NUMB: variants seen among roughly 807,000 people sequenced by gnomAD.
NUMB encodes NUMB endocytic adaptor protein.
In NUMB, 29 loss-of-function variants were observed where a neutral mutation model predicts 59.7. The observed-to-expected ratio is 0.49, with a 90% CI of 0.36 to 0.66. The LOEUF (loss-of-function observed/expected upper bound fraction) is 0.66. NUMB is among the 30% of genes least tolerant of loss of function. The pLI, the probability that NUMB is intolerant of heterozygous loss-of-function variation, is 0.00. For missense variants in NUMB, 723 were observed against 822.0 expected, an observed-to-expected ratio of 0.88 and a Z score of 1.47; for synonymous variants, 288 against 288.2, an observed-to-expected ratio of 1.00 and a Z score of 0.01.
chr14:73,443,842 A>AG (rs1883269148), intron 1 of NUMB, among the ~76,000 whole-genome samples: 1 of 151,626 alleles, frequency 6.6e-6, no homozygotes, highest in Non-Finnish European at 1.5e-5. Flanking sequence ...TAGTAGAGAC[A>AG]GGGTTTCACT....
intron 4 of NUMB, among the ~76,000 whole-genome samples, chr14:73,355,311 G>A (rs1417514717): frequency 6.6e-6 from 1 of 152,162 alleles, no homozygotes; most frequent in African/African-American, 2.4e-5. Context: ...ATATTCCACT[G>A]AAAATTTGAG....
chr14:73,340,547 T>C (rs1237739328), intron 4 of NUMB, among the ~76,000 whole-genome samples: 1 of 152,220 alleles, frequency 6.6e-6, no homozygotes, highest in Non-Finnish European at 1.5e-5. Context: ...TGCAAGGATT[T>C]TGTCTGTTCT....
chr14:73,293,025 T>C (rs1198154904), intron 7 of NUMB, 151 bp from the exon 8 acceptor site: 6 of 786,484 alleles, frequency 7.6e-6, no homozygotes, highest in African/African-American at 3.5e-5. Flanking sequence ...GTTTAAATAC[T>C]GAGAATTGGA....
chr14:73,395,607 C>T (rs11849375), intron 2 of NUMB, among the ~76,000 whole-genome samples: 7,820 of 151,758 alleles, frequency 0.052, 653 homozygotes, highest in African/African-American at 0.18. Flanking sequence ...GGTGGCAGAG[C>T]GAGACTCTGT....
At position 73,389,117 on chromosome 14, in the gene NUMB, A is replaced by C. The variant is rs1160773946; in HGVS notation, c.-101+20820T>G. Among the ~76,000 whole-genome samples, 16 of 149,210 alleles carry C rather than the reference A, an allele frequency of 1.1e-4. No individual in the cohort carries two copies. The East Asian group carries it at 3.0e-3, about 28-fold the overall frequency. On this transcript the variant is annotated intron_variant, in intron 2 of 12. Transcript: ENST00000555238. ...CTGCCTTAAAAAAAAAAAAAAAAAA[A>C]AAAATTAGCTGGATGTGGTGGTGCG...
chr14:73,425,315 A>T (rs999090479), intron 1 of NUMB, among the ~76,000 whole-genome samples: 2 of 152,108 alleles, frequency 1.3e-5, no homozygotes, highest in South Asian at 2.1e-4. Flanking sequence ...ATCATGAAAA[A>T]CCTTCAGTTC....
intron 5 of NUMB, among the ~76,000 whole-genome samples, 164 bp from the exon 6 acceptor site, chr14:73,316,586 G>T (rs1158608626): frequency 1.3e-5 from 2 of 152,180 alleles, no homozygotes; most frequent in Admixed American, 6.5e-5. Context: ...CAGGGAAAAA[G>T]GAAGGGTGCA....
chr14:73,347,110 A>G (rs1197701967), intron 4 of NUMB, among the ~76,000 whole-genome samples: 1 of 152,058 alleles, frequency 6.6e-6, no homozygotes, highest in Non-Finnish European at 1.5e-5. Context: ...CTCCCACTTC[A>G]GCCTCCCAAG....
intron 8 of NUMB, 112 bp downstream of exon 8, chr14:73,292,622 C>T: frequency 1.0e-6 from 1 of 992,182 alleles, no homozygotes; most frequent in South Asian, 1.7e-5. Flanking sequence ...CTAGTTTAGG[C>T]ACTTCCAAGT....
intron 1 of NUMB, among the ~76,000 whole-genome samples, chr14:73,438,804 G>A (rs1441910780): frequency 6.6e-6 from 1 of 151,830 alleles, no homozygotes. Flanking sequence ...ATGAATTAGG[G>A]GCCAACATCA....
At chr14:73,297,903 T>C (rs534397759) in intron 6 of NUMB, 2 of 152,288 alleles carry the variant, frequency 1.3e-5, no homozygotes, top group East Asian at 1.9e-4. Context: ...TTTTTTTTTT[T>C]CTTGAGACAG....
At chr14:73,439,570 T>G (rs1882869503) in intron 1 of NUMB, among the ~76,000 whole-genome samples, 2 of 152,186 alleles carry the variant, frequency 1.3e-5, no homozygotes, top group South Asian at 4.1e-4. Context: ...GGATTTAAAT[T>G]TATCAAGGTT....
At chr14:73,342,061 T>TA (rs889634274) in intron 4 of NUMB, among the ~76,000 whole-genome samples, 20 of 151,338 alleles carry the variant, frequency 1.3e-4, no homozygotes, top group East Asian at 3.9e-4. Flanking sequence ...TCTTTAAATT[T>TA]AAAAAAAAAA....
intron 1 of NUMB, among the ~76,000 whole-genome samples, chr14:73,430,081 C>A (rs1897759330): frequency 6.6e-6 from 1 of 151,688 alleles, no homozygotes; most frequent in Non-Finnish European, 1.5e-5. Flanking sequence ...AACTGTGGAC[C>A]ATTCTGGTAA....
intron 4 of NUMB, among the ~76,000 whole-genome samples, chr14:73,352,604 G>A (rs563425315): frequency 7.5e-6 from 1 of 132,842 alleles, no homozygotes; most frequent in Non-Finnish European, 1.6e-5. Flanking sequence ...GCACAATCTC[G>A]GCTCACTTCA....
At chr14:73,400,629 C>T (rs1244802577) in intron 2 of NUMB, among the ~76,000 whole-genome samples, 1 of 152,118 alleles carries the variant, frequency 6.6e-6, no homozygotes, top group Admixed American at 6.5e-5. Context: ...CCTGAAAGAC[C>T]AAGGCATGAT....
intron 1 of NUMB, among the ~76,000 whole-genome samples, chr14:73,439,669 T>C (rs1445912704): frequency 6.6e-6 from 1 of 152,144 alleles, no homozygotes; most frequent in Non-Finnish European, 1.5e-5. Flanking sequence ...AACCTTTACA[T>C]GTGATCTTCC....
intron 3 of NUMB, among the ~76,000 whole-genome samples, chr14:73,366,541 G>A (rs1355622899): frequency 6.6e-6 from 1 of 152,090 alleles, no homozygotes; most frequent in Non-Finnish European, 1.5e-5. Flanking sequence ...CAATAACCCT[G>A]TCAGGTGGAT....
intron 2 of NUMB, among the ~76,000 whole-genome samples, chr14:73,406,464 T>C (rs1466470234): frequency 6.6e-6 from 1 of 152,134 alleles, no homozygotes; most frequent in Admixed American, 6.5e-5. Context: ...ATGGTGTCTA[T>C]GTGCCACATT....
Sources: allele counts gnomAD v4.1 joint callset (sites outside exome capture counted in the v4.1 genomes callset), GRCh38; gene constraint gnomAD v4.1.1; transcripts MANE v1.5; gene names NCBI Gene and HGNC (gene_info 2026-07-23, HGNC 2026-07-21).